Variants in LARGE1 observed in about 807,000 individuals in gnomAD.
LARGE1 encodes LARGE xylosyl- and glucuronyltransferase 1.
In LARGE1, 43 loss-of-function variants were observed where a neutral mutation model predicts 87.6. That is an observed-to-expected ratio of 0.49 (90% CI 0.38 to 0.63). The LOEUF is 0.63. Ranked by LOEUF, LARGE1 falls within the 30% of genes least tolerant of loss-of-function variation. LARGE1 has a pLI of 0.00. For missense variants in LARGE1, 802 were observed against 1,000.2 expected, an observed-to-expected ratio of 0.80 and a Z score of 2.67; for synonymous variants, 434 against 394.6, an observed-to-expected ratio of 1.10 and a Z score of -1.18.
chr22:33,465,148 C>T (rs548209250), intron 6 of LARGE1, among the ~76,000 whole-genome samples: 7 of 152,272 alleles, frequency 4.6e-5, no homozygotes, highest in Non-Finnish European at 7.3e-5. Flanking sequence ...GTTTACATGG[C>T]GCGACATTGA....
chr22:33,420,308 G>C (rs970326212), intron 7 of LARGE1, among the ~76,000 whole-genome samples: 4 of 152,138 alleles, frequency 2.6e-5, no homozygotes, highest in African/African-American at 9.7e-5. Context: ...GGTGCATTCA[G>C]GGTGGTATGG....
In LARGE1 at chr22:33,272,639, A is replaced by T. The variant is rs1928379938; in HGVS notation, c.*1788T>A. Among the ~76,000 whole-genome samples, 3 of 152,234 alleles carry T rather than the reference A, an allele frequency of 2.0e-5. No individual in the cohort carries two copies. The South Asian group carries it at 6.2e-4, about 32-fold the overall frequency. ...TACATACATAAGCCTAGCTAGATCT[A>T]TGCAAAAATTAGTCCTAATGGTAAT... On this transcript the variant is annotated 3_prime_UTR_variant, in exon 15 of 15. Coordinates refer to ENST00000397394, the MANE Select transcript of LARGE1 (RefSeq NM_133642.5).
intron 7 of LARGE1, among the ~76,000 whole-genome samples, chr22:33,387,495 G>C (rs1279305233): frequency 7.1e-6 from 1 of 141,014 alleles, no homozygotes; most frequent in African/African-American, 2.7e-5. Flanking sequence ...TTATAATTAG[G>C]TTGGATAGAT....
At chr22:33,298,911 A>G (rs112424622) in intron 12 of LARGE1, among the ~76,000 whole-genome samples, 4 of 151,376 alleles carry the variant, frequency 2.6e-5, no homozygotes, top group Admixed American at 2.0e-4. Flanking sequence ...GAAAAAAGGA[A>G]AGAGAGAGAG....
At chr22:33,703,643 T>C (rs963154254) in intron 2 of LARGE1, among the ~76,000 whole-genome samples, 1 of 152,122 alleles carries the variant, frequency 6.6e-6, no homozygotes, top group Admixed American at 6.5e-5. Context: ...GTGGTGTGAT[T>C]CATTTTGTGG....
intron 1 of LARGE1, among the ~76,000 whole-genome samples, chr22:33,868,261 C>T (rs867859872): frequency 6.6e-6 from 1 of 152,114 alleles, no homozygotes; most frequent in Non-Finnish European, 1.5e-5. Context: ...CACAGCCGGC[C>T]TCGTCGGAAG....
intron 6 of LARGE1, among the ~76,000 whole-genome samples, chr22:33,446,243 C>A (rs1401777534): frequency 6.6e-6 from 1 of 152,204 alleles, no homozygotes; most frequent in East Asian, 1.9e-4. Context: ...GGGCTCCACG[C>A]CCTGCCCCCA....
the LARGE1 span, among the ~76,000 whole-genome samples, chr22:33,142,065 C>T: frequency 1.3e-5 from 2 of 151,838 alleles, no homozygotes; most frequent in African/African-American, 4.8e-5. Flanking sequence ...TTTTTTTATA[C>T]CCTAAGCCTG....
rs2147016839 is a variant in LARGE1 at position 33,920,027 on chromosome 22, C to T, written c.-115G>A. On this transcript the variant is annotated 5_prime_UTR_variant, in exon 1 of 15. Coordinates refer to ENST00000397394, the MANE Select transcript of LARGE1 (RefSeq NM_133642.5). Reference sequence around the variant, plus strand: ...GTGACTGCCGCCAGGCAGAGGGAGACACGGAAGAACAGGGTGGCGCGGCGG... The same window carrying T: ...GTGACTGCCGCCAGGCAGAGGGAGATACGGAAGAACAGGGTGGCGCGGCGG... The T allele has an allele frequency of 6.6e-6, 1 of 152,498 alleles. No individual in the cohort carries two copies. Among genetic ancestry groups the T allele is most frequent in the East Asian group, 1.9e-4 (1 of 5,160 alleles). The allele number at this position is 152,498 out of a possible 1,614,324, so 9.4% of individuals were successfully genotyped here. A position where few individuals can be genotyped will look rare whatever the true frequency, so the allele number is the denominator to read the frequency against.
intron 2 of LARGE1, among the ~76,000 whole-genome samples, chr22:33,710,764 G>A (rs566170817): frequency 2.0e-4 from 30 of 152,092 alleles, no homozygotes; most frequent in Non-Finnish European, 8.8e-5. Context: ...CAAGTGTAAC[G>A]GAGTCGTCCT....
chr22:33,131,604 G>C, the LARGE1 span, among the ~76,000 whole-genome samples: 3 of 152,286 alleles, frequency 2.0e-5, no homozygotes, highest in South Asian at 2.1e-4. Context: ...GCAGGCAAGA[G>C]AGCATGTGCA....
intron 5 of LARGE1, among the ~76,000 whole-genome samples, chr22:33,598,436 T>C (rs2079034228): frequency 6.6e-6 from 1 of 152,226 alleles, no homozygotes; most frequent in Non-Finnish European, 1.5e-5. Flanking sequence ...AGTTTTGTTA[T>C]ATGGGTATAC....
At chr22:33,536,572 A>G (rs1351193136) in intron 6 of LARGE1, among the ~76,000 whole-genome samples, 1 of 152,210 alleles carries the variant, frequency 6.6e-6, no homozygotes, top group African/African-American at 2.4e-5. Flanking sequence ...AATAAAACAT[A>G]ATTATCTCTC....
chr22:33,263,909 C>A (rs950629419), intron 11 of LARGE1, among the ~76,000 whole-genome samples: 1 of 152,216 alleles, frequency 6.6e-6, no homozygotes, highest in Non-Finnish European at 1.5e-5. Context: ...GTTCAAATCT[C>A]AGTTCTGCTA....
rs559936210 is a variant in LARGE1 at position 33,849,896 on chromosome 22, C to T, written c.-83+70099G>A. ...GATTACAGGCGTGAGCCACTGCGCC[C>T]GGACTCCTTTAGTTCTTATTACAAT... On this transcript the variant is annotated intron_variant, in intron 1 of 14. Transcript: ENST00000397394. Among the ~76,000 whole-genome samples the T allele has an allele frequency of 2.6e-5, 4 of 152,242 alleles. No homozygotes were observed. In the South Asian group the frequency reaches 6.2e-4, roughly 24 times the overall value.
At chr22:33,606,174 G>C (rs2079253957) in intron 4 of LARGE1, among the ~76,000 whole-genome samples, 2 of 152,174 alleles carry the variant, frequency 1.3e-5, no homozygotes, top group African/African-American at 4.8e-5. Flanking sequence ...GGGAGGCCAA[G>C]GTGGGTAGAT....
chr22:33,442,844 G>C (rs1404257701), intron 6 of LARGE1, among the ~76,000 whole-genome samples: 2 of 150,880 alleles, frequency 1.3e-5, no homozygotes, highest in Admixed American at 1.3e-4. Context: ...CCAGGCTGGA[G>C]TGCAGTGGCA....
chr22:33,847,568 T>C (rs1288438467), intron 1 of LARGE1, among the ~76,000 whole-genome samples: 1 of 152,216 alleles, frequency 6.6e-6, no homozygotes, highest in Non-Finnish European at 1.5e-5. Flanking sequence ...GCTTTATACA[T>C]AGAAGGTGAA....
At chr22:33,820,455 G>A (rs1252928816) in intron 1 of LARGE1, among the ~76,000 whole-genome samples, 5 of 151,920 alleles carry the variant, frequency 3.3e-5, no homozygotes, top group Non-Finnish European at 7.4e-5. Context: ...CTGAGTACCT[G>A]GGACTACAAG....
Sources: gnomAD v4.1 joint callset for allele counts (sites outside exome capture counted in the v4.1 genomes callset) on GRCh38, gnomAD v4.1.1 for gene constraint, MANE v1.5 for transcripts, NCBI Gene and HGNC (gene_info 2026-07-23, HGNC 2026-07-21) for gene names.